The following MRPS27 variants were observed in gnomAD, a reference collection of about 807,000 sequenced individuals.
The protein encoded by MRPS27 is small ribosomal subunit protein mS27.
In MRPS27, 43 loss-of-function variants were observed where a neutral mutation model predicts 48.9. The observed-to-expected ratio is 0.88, with a 90% CI of 0.69 to 1.13. MRPS27 has a LOEUF of 1.13. Among genes scored for constraint, MRPS27 ranks in the 50% most tolerant of loss-of-function variants. The pLI, the probability that MRPS27 is intolerant of heterozygous loss-of-function variation, is 0.00. For missense variants in MRPS27, 467 were observed against 476.3 expected, an observed-to-expected ratio of 0.98 and a Z score of 0.18; for synonymous variants, 188 against 171.9, an observed-to-expected ratio of 1.09 and a Z score of -0.73.
intron 1 of MRPS27, among the ~76,000 whole-genome samples, chr5:72,316,832 C>T (rs1043406782): frequency 6.6e-6 from 1 of 151,522 alleles, no homozygotes; most frequent in South Asian, 2.1e-4. Context: ...GAGTTCGAGG[C>T]GAGCCTGACC....
In MRPS27 at chr5:72,320,136, C is replaced by T. The variant is rs748613422; in HGVS notation, c.73+13G>A. The T allele has an allele frequency of 6.2e-7, 1 of 1,612,892 alleles. No individual in the cohort carries two copies. Among genetic ancestry groups the T allele is most frequent in the Non-Finnish European group, 8.5e-7 (1 of 1,178,856 alleles). ...CAGAATAATCAGGGGCCTAATGAAG[C>T]TGTCCGGCCAACCTGCAGGAGAGAG... On this transcript the variant is annotated intron_variant, in intron 1 of 10. Transcript: ENST00000261413.
Position 72,311,651 on chromosome 5 carries a change from T to C in MRPS27, c.151+2430A>G, listed in dbSNP as rs182223828. Among the ~76,000 whole-genome samples, 390 of 152,316 alleles carry C rather than the reference T, an allele frequency of 2.6e-3. 7 individuals carry two copies. Among genetic ancestry groups the C allele is most frequent in the Admixed American group, 0.022 (343 of 15,296 alleles). ...GATGCTCTGAGCCACCTCAGGACTC[T>C]GAATAGTCCTCACCAGCAGGAAGGC... On this transcript the variant is annotated intron_variant, in intron 2 of 10. Transcript: ENST00000261413.
intron 4 of MRPS27, among the ~76,000 whole-genome samples, chr5:72,278,783 T>C (rs1749454770): frequency 1.3e-5 from 2 of 152,352 alleles, no homozygotes; most frequent in South Asian, 4.1e-4. Flanking sequence ...TATATATGTG[T>C]ATGTGTGTAT....
intron 4 of MRPS27, among the ~76,000 whole-genome samples, chr5:72,292,303 C>T (rs1749847995): frequency 6.7e-6 from 1 of 149,118 alleles, no homozygotes; most frequent in East Asian, 2.0e-4. Flanking sequence ...TCACCCTTTC[C>T]TTGGTGTTTT....
At chr5:72,247,032 A>C (rs1182202002) in intron 4 of MRPS27, among the ~76,000 whole-genome samples, 1 of 152,250 alleles carries the variant, frequency 6.6e-6, no homozygotes, top group Non-Finnish European at 1.5e-5. Flanking sequence ...TTAACTTTGG[A>C]AAGTCACTTG....
intron 4 of MRPS27, among the ~76,000 whole-genome samples, chr5:72,276,607 A>G (rs1431971248): frequency 6.6e-6 from 1 of 152,178 alleles, no homozygotes; most frequent in African/African-American, 2.4e-5. Context: ...GCCAAAGAAA[A>G]TATCATCAGA....
At chr5:72,225,559 A>C (rs1747870395) in intron 9 of MRPS27, among the ~76,000 whole-genome samples, 1 of 152,128 alleles carries the variant, frequency 6.6e-6, no homozygotes, top group Non-Finnish European at 1.5e-5. Context: ...TGGTAAAGTG[A>C]ACACCTTAGA....
intron 7 of MRPS27, 119 bp from the exon 8 acceptor site, chr5:72,228,487 C>T: frequency 3.0e-6 from 2 of 659,226 alleles, no homozygotes; most frequent in Non-Finnish European, 5.2e-6. Flanking sequence ...CAAAGAAGAA[C>T]AAAGCTATAT....
intron 2 of MRPS27, among the ~76,000 whole-genome samples, chr5:72,298,709 T>C: frequency 9.7e-6 from 1 of 102,740 alleles, no homozygotes; most frequent in Non-Finnish European, 1.8e-5. Context: ...CGAGACTCCG[T>C]CTCAAAAAAA....
At chr5:72,291,830 A>G (rs958499809) in intron 4 of MRPS27, among the ~76,000 whole-genome samples, 2 of 152,230 alleles carry the variant, frequency 1.3e-5, no homozygotes, top group African/African-American at 4.8e-5. Context: ...CTCCAGACCT[A>G]TTCTTCCCCC....
rs11296227 is a variant in MRPS27, at chr5:72,278,442, C to CAA, written c.281+17087_281+17088dup. 1.7e-3 allele frequency among the ~76,000 whole-genome samples: 159 copies of CAA among 94,606 alleles called. 1 individual carries two copies. The highest frequency in any genetic ancestry group is 5.0e-3 in the African/African-American group (120 of 23,844). 62.1% of individuals were successfully genotyped at this position (94,606 alleles called of 152,430 possible). ...TGGGTGACAGAGCGACTCTCCATCT[C>CAA]AAAAAAAAAAAAAAAAAAAAAATTT... On this transcript the variant is annotated intron_variant, in intron 4 of 10. Transcript: ENST00000261413.
intron 2 of MRPS27, among the ~76,000 whole-genome samples, chr5:72,301,774 A>C (rs1007626352): frequency 1.3e-5 from 2 of 152,238 alleles, no homozygotes; most frequent in African/African-American, 4.8e-5. Flanking sequence ...TGCTAAATAT[A>C]TCATGTGGCC....
chr5:72,272,738 G>A (rs1749278979), intron 4 of MRPS27, among the ~76,000 whole-genome samples: 1 of 152,136 alleles, frequency 6.6e-6, no homozygotes. Context: ...TCGTACTGGA[G>A]ACTCCTGACA....
In MRPS27 at chr5:72,221,143, T is replaced by C. The variant is rs138112907; in HGVS notation, c.1011A>G (p.Leu337=). The change falls in exon 11 of 11, where the codon TTA becomes TTG. Residue 337 remains leucine (L), a synonymous_variant. Coordinates refer to ENST00000261413, the MANE Select transcript of MRPS27 (RefSeq NM_015084.3). ...TGCCCAGAGCTTGAAGCTTAGAATG[T>C]AAGGCCTGTTGGAAACAAATGGGAA... ...LPQYLERFKA[L]HSKLQALGKI... 6.8e-6 allele frequency: 11 copies of C among 1,613,784 alleles called. No individual in the cohort carries two copies. In the African/African-American group the frequency reaches 8.0e-5, roughly 12 times the overall value.
At chr5:72,251,447 G>T (rs1347833128) in intron 4 of MRPS27, among the ~76,000 whole-genome samples, 1 of 152,144 alleles carries the variant, frequency 6.6e-6, no homozygotes, top group Non-Finnish European at 1.5e-5. Context: ...GAGAAGCAAG[G>T]GGATGACCTA....
At chr5:72,320,087 C>T (rs535316268) in intron 1 of MRPS27, 62 bp downstream of exon 1, 6 of 1,549,658 alleles carry the variant, frequency 3.9e-6, no homozygotes, top group Middle Eastern at 3.4e-4. Flanking sequence ...TCTTGAAAGC[C>T]CACCGCTCCC....
At chr5:72,284,388 C>T (rs1749613289) in intron 4 of MRPS27, among the ~76,000 whole-genome samples, 1 of 148,468 alleles carries the variant, frequency 6.7e-6, no homozygotes, top group Non-Finnish European at 1.5e-5. Flanking sequence ...CCTGCCACTG[C>T]ATGCCAGCCT....
At chr5:72,240,283 T>A (rs1000610829) in intron 4 of MRPS27, among the ~76,000 whole-genome samples, 2 of 152,298 alleles carry the variant, frequency 1.3e-5, no homozygotes, top group South Asian at 2.1e-4. Context: ...GATGCACACA[T>A]AATTTAATAA....
chr5:72,320,028 A>T, intron 1 of MRPS27, 121 bp downstream of exon 1: 1 of 1,000,018 alleles, frequency 1.0e-6, no homozygotes, highest in Admixed American at 2.0e-5. Flanking sequence ...ACTACCAAAC[A>T]CCCCAAATGG....
Sources: gnomAD v4.1 joint callset for allele counts (sites outside exome capture counted in the v4.1 genomes callset) on GRCh38, gnomAD v4.1.1 for gene constraint, MANE v1.5 for transcripts, NCBI Gene and HGNC (gene_info 2026-07-23, HGNC 2026-07-21) for gene names.